The following CPED1 variants were observed in gnomAD, a reference collection of about 807,000 sequenced individuals.
CPED1 encodes cadherin-like and PC-esterase domain-containing protein 1.
In CPED1, 114 loss-of-function variants were observed where a neutral mutation model predicts 128.2. That is an observed-to-expected ratio of 0.89 (90% CI 0.76 to 1.04). The LOEUF (loss-of-function observed/expected upper bound fraction) is 1.04. Ranked by LOEUF, CPED1 falls within the 50% of genes least tolerant of loss-of-function variation. The pLI is 0.00. For synonymous variants in CPED1, 462 were observed against 426.7 expected, an observed-to-expected ratio of 1.08 and a Z score of -1.02; for missense variants, 1,211 against 1,207.1, an observed-to-expected ratio of 1.00 and a Z score of -0.05.
At chr7:121,131,214 T>C (rs1006901076) in intron 12 of CPED1, among the ~76,000 whole-genome samples, 6 of 152,114 alleles carry the variant, frequency 3.9e-5, no homozygotes, top group Non-Finnish European at 7.4e-5. Flanking sequence ...ATTCAAAAAT[T>C]TGAATAATCA....
chr7:121,107,788 G>T (rs1795014391), intron 7 of CPED1, among the ~76,000 whole-genome samples: 3 of 152,008 alleles, frequency 2.0e-5, no homozygotes, highest in African/African-American at 7.2e-5. Context: ...TCATTTTTGA[G>T]ATTTTTATTA....
rs150532812 is a variant in CPED1, at chr7:121,189,112, G to T, written c.2055+46971G>T. Among the ~76,000 whole-genome samples the T allele has an allele frequency of 1.1e-3, 174 of 152,188 alleles. 1 individual carries two copies. Among genetic ancestry groups the T allele is most frequent in the African/African-American group, 3.8e-3 (159 of 41,524 alleles). On this transcript the variant is annotated intron_variant, in intron 16 of 22. Coordinates refer to ENST00000310396, the MANE Select transcript of CPED1 (RefSeq NM_024913.5). ...CCTTCAGACATATTATCACATAATG[G>T]TGTTCCATTCTACCTTTACTTCCGA...
intron 16 of CPED1, among the ~76,000 whole-genome samples, chr7:121,182,751 C>T (rs1796926762): frequency 6.6e-6 from 1 of 151,986 alleles, no homozygotes; most frequent in Non-Finnish European, 1.5e-5. Flanking sequence ...ATTGGGATTA[C>T]TTTGGGCAAG....
chr7:121,159,692 T>TA (rs1796370021), intron 16 of CPED1, among the ~76,000 whole-genome samples: 1 of 152,126 alleles, frequency 6.6e-6, no homozygotes, highest in Non-Finnish European at 1.5e-5. Flanking sequence ...GGTATCTTTT[T>TA]AAAAACTCTA....
intron 8 of CPED1, among the ~76,000 whole-genome samples, chr7:121,124,704 A>G (rs1156333582): frequency 1.3e-5 from 2 of 152,124 alleles, no homozygotes; most frequent in Non-Finnish European, 2.9e-5. Flanking sequence ...ACAAGAAGTA[A>G]AGTGCGCATT....
At chr7:121,078,498 G>GAAA (rs529856618) in intron 5 of CPED1, among the ~76,000 whole-genome samples, 17 of 101,928 alleles carry the variant, frequency 1.7e-4, no homozygotes, top group African/African-American at 3.8e-4. Flanking sequence ...AAGAAAGAAA[G>GAAA]AAAAAAAAAA....
chr7:121,187,703 T>A (rs1302870010), intron 16 of CPED1, among the ~76,000 whole-genome samples: 1 of 152,146 alleles, frequency 6.6e-6, no homozygotes, highest in East Asian at 1.9e-4. Context: ...TTGCAGGTTA[T>A]AGAAGAGTTG....
intron 7 of CPED1, among the ~76,000 whole-genome samples, chr7:121,112,296 T>C (rs1398232998): frequency 6.6e-6 from 1 of 152,140 alleles, no homozygotes; most frequent in Non-Finnish European, 1.5e-5. Context: ...AAATTAAAGA[T>C]ATCAACATGA....
chr7:121,026,291 C>T (rs1792579882), intron 3 of CPED1, among the ~76,000 whole-genome samples: 1 of 152,134 alleles, frequency 6.6e-6, no homozygotes, highest in African/African-American at 2.4e-5. Flanking sequence ...TGCTTCCTTA[C>T]AGTTTCAGTT....
intron 22 of CPED1, among the ~76,000 whole-genome samples, chr7:121,278,810 A>T (rs1190446659): frequency 6.6e-6 from 1 of 152,176 alleles, no homozygotes; most frequent in East Asian, 1.9e-4. Context: ...AAGAAGGATA[A>T]TTAAATGGAG....
chr7:121,071,305 T>G (rs1793984270), intron 5 of CPED1, among the ~76,000 whole-genome samples: 1 of 152,142 alleles, frequency 6.6e-6, no homozygotes. Flanking sequence ...CTAGTCCTTC[T>G]TCTCCCACTT....
chr7:121,263,610 C>T (rs1012465053), intron 18 of CPED1, among the ~76,000 whole-genome samples: 8 of 151,942 alleles, frequency 5.3e-5, no homozygotes, highest in Non-Finnish European at 1.2e-4. Flanking sequence ...GACTATTGTG[C>T]CTCTGACATG....
At chr7:121,116,307 A>G (rs116010426) in intron 7 of CPED1, among the ~76,000 whole-genome samples, 3 of 152,224 alleles carry the variant, frequency 2.0e-5, no homozygotes, top group African/African-American at 7.2e-5. Context: ...AGGAATGAGT[A>G]AAAGTATCCT....
At position 121,296,963 on chromosome 7, in the gene CPED1, C is replaced by T. The variant is rs928630824; in HGVS notation, c.*1311C>T. On this transcript the variant is annotated 3_prime_UTR_variant, in exon 23 of 23. Coordinates refer to ENST00000310396, the MANE Select transcript of CPED1 (RefSeq NM_024913.5). The stretch of plus-strand genomic sequence containing the variant: ...AAACACCTATTTTGATTGATCAGTT[C>T]TTTTGTATGAATATCCACCTCCTTT... The T allele has an allele frequency of 4.6e-5, 7 of 151,976 alleles. No individual in the cohort carries two copies. Among genetic ancestry groups the T allele is most frequent in the Non-Finnish European group, 1.0e-4 (7 of 67,872 alleles). 9.4% of individuals were successfully genotyped at this position (151,976 alleles called of 1,614,324 possible).
At chr7:121,006,628 A>T in intron 2 of CPED1, among the ~76,000 whole-genome samples, 1 of 152,158 alleles carries the variant, frequency 6.6e-6, no homozygotes, top group Admixed American at 6.5e-5. Flanking sequence ...GAAAAAAAAA[A>T]GGTGAACTAC....
At chr7:121,087,270 TCTC>T (rs1437011231) in intron 5 of CPED1, among the ~76,000 whole-genome samples, 1 of 152,128 alleles carries the variant, frequency 6.6e-6, no homozygotes, top group Non-Finnish European at 1.5e-5. Flanking sequence ...ATAACCCTCT[TCTC>T]CTACTAAGTA....
At chr7:121,047,151 T>C (rs1020164363) in intron 4 of CPED1, among the ~76,000 whole-genome samples, 158 bp downstream of exon 4, 7 of 152,216 alleles carry the variant, frequency 4.6e-5, no homozygotes, top group African/African-American at 1.7e-4. Flanking sequence ...TACCATAAAA[T>C]AGTCACCACT....
chr7:121,293,767 C>T (rs1206713546), intron 22 of CPED1, among the ~76,000 whole-genome samples: 1 of 151,984 alleles, frequency 6.6e-6, no homozygotes, highest in African/African-American at 2.4e-5. Flanking sequence ...GAGGGAGTTC[C>T]CTAACCCCTT....
At chr7:121,068,010 G>A (rs1312918803) in intron 5 of CPED1, among the ~76,000 whole-genome samples, 2 of 152,086 alleles carry the variant, frequency 1.3e-5, no homozygotes, top group African/African-American at 2.4e-5. Context: ...GATTCTGGAT[G>A]TTAGCCTTTT....
Sources: gnomAD v4.1 joint callset for allele counts (sites outside exome capture counted in the v4.1 genomes callset) on GRCh38, gnomAD v4.1.1 for gene constraint, MANE v1.5 for transcripts, NCBI Gene and HGNC (gene_info 2026-07-23, HGNC 2026-07-21) for gene names.